The following CSMD1 variants were observed in gnomAD, a reference collection of about 807,000 sequenced individuals.
CSMD1 encodes the protein CUB and Sushi multiple domains 1.
CSMD1 carries 213 observed loss-of-function variants against 417.5 expected under a neutral mutation model. The observed-to-expected ratio is 0.51, with a 90% confidence interval of 0.46 to 0.57. The LOEUF is 0.57. Ranked by LOEUF, CSMD1 falls within the 20% of genes least tolerant of loss-of-function variation. CSMD1 has a pLI of 0.00. For missense variants in CSMD1, 6,923 were observed against 4,529.7 expected, an observed-to-expected ratio of 1.53 and a Z score of -15.17; for synonymous variants, 2,862 against 1,736.8, an observed-to-expected ratio of 1.65 and a Z score of -16.11.
chr8:3,174,646 G>T (rs1185974176), intron 37 of CSMD1, among the ~76,000 whole-genome samples: 1 of 152,106 alleles, frequency 6.6e-6, no homozygotes, highest in Admixed American at 6.6e-5. Context: ...TTTTCAAAAA[G>T]ATAATTACGT....
chr8:4,679,951 C>A (rs550881622), intron 1 of CSMD1, among the ~76,000 whole-genome samples: 32 of 152,124 alleles, frequency 2.1e-4, no homozygotes, highest in African/African-American at 7.5e-4. Flanking sequence ...ATTAACAGGG[C>A]AGATTTAGAA....
intron 48 of CSMD1, among the ~76,000 whole-genome samples, chr8:3,088,877 A>G (rs951451221): frequency 3.3e-5 from 5 of 151,780 alleles, no homozygotes; most frequent in African/African-American, 4.8e-5. Context: ...AATAAAAAAT[A>G]GAAGGAACAA....
intron 6 of CSMD1, among the ~76,000 whole-genome samples, chr8:3,734,888 A>G (rs1796448942): frequency 6.6e-6 from 1 of 152,142 alleles, no homozygotes; most frequent in Non-Finnish European, 1.5e-5. Flanking sequence ...GCTGTACTGA[A>G]GCAATTTTCC....
chr8:3,497,924 G>T (rs936328592), intron 10 of CSMD1, among the ~76,000 whole-genome samples: 4 of 152,146 alleles, frequency 2.6e-5, no homozygotes, highest in Non-Finnish European at 4.4e-5. Context: ...CACAATGGTG[G>T]TTATCACCCT....
At chr8:3,520,638 C>T (rs1253222391) in intron 10 of CSMD1, among the ~76,000 whole-genome samples, 1 of 152,140 alleles carries the variant, frequency 6.6e-6, no homozygotes, top group Non-Finnish European at 1.5e-5. Flanking sequence ...TCCTGGTTCA[C>T]CTGCATCTCC....
Position 4,614,836 on chromosome 8 carries a change from T to A in CSMD1, c.302+22506A>T, listed in dbSNP as rs116848328. ...AAAAGATAATCAGACATTATTTTTTTAAAAATGAATAATATGAAAACCTAA... is the reference window on the plus strand; with the variant it reads ...AAAAGATAATCAGACATTATTTTTTAAAAAATGAATAATATGAAAACCTAA... On this transcript the variant is annotated intron_variant, in intron 2 of 69. Coordinates refer to ENST00000635120, the MANE Select transcript of CSMD1 (RefSeq NM_033225.6). 5.1e-4 allele frequency among the ~76,000 whole-genome samples: 78 copies of A among 152,320 alleles called. 1 individual carries two copies. The East Asian group carries it at 0.013, about 25-fold the overall frequency.
At chr8:3,154,088 T>G (rs1362767877) in intron 39 of CSMD1, among the ~76,000 whole-genome samples, 2 of 152,162 alleles carry the variant, frequency 1.3e-5, no homozygotes, top group Non-Finnish European at 2.9e-5. Flanking sequence ...TGCCTCAGCC[T>G]CCCGAGTAGC....
rs1231999334 is a variant in CSMD1 at position 3,893,339 on chromosome 8, T to TTATATATGTATATATATATATATATATA, written c.818+104563_818+104564insTATATATATATATATATATACATATATA. Among the ~76,000 whole-genome samples the TTATATATGTATATATATATATATATATA allele has an allele frequency of 5.2e-3, 416 of 80,416 alleles. 26 individuals are homozygous for TTATATATGTATATATATATATATATATA. The East Asian group carries it at 0.062, about 12-fold the overall frequency. 52.8% of individuals were successfully genotyped at this position (80,416 alleles called of 152,430 possible). On this transcript the variant is annotated intron_variant, in intron 5 of 69. Coordinates refer to ENST00000635120, the MANE Select transcript of CSMD1 (RefSeq NM_033225.6). ...TCCCAAACTAATAATATTCACAATT[T>TTATATATGTATATATATATATATATATA]TATATATATATATATATATATATTA...
At chr8:4,728,406 G>A (rs920732543) in intron 1 of CSMD1, among the ~76,000 whole-genome samples, 1 of 152,108 alleles carries the variant, frequency 6.6e-6, no homozygotes, top group East Asian at 1.9e-4. Flanking sequence ...TTAGTTTGGA[G>A]ACTATAAATT....
chr8:4,720,973 C>T (rs367594949), intron 1 of CSMD1, among the ~76,000 whole-genome samples: 124 of 152,128 alleles, frequency 8.2e-4, no homozygotes, highest in African/African-American at 2.7e-3. Context: ...CCTACTTCAC[C>T]GGAAGACAAT....
At chr8:3,257,908 G>C (rs945271272) in intron 26 of CSMD1, among the ~76,000 whole-genome samples, 8 of 152,140 alleles carry the variant, frequency 5.3e-5, no homozygotes, top group Non-Finnish European at 7.4e-5. Context: ...ACAAGGGCGT[G>C]AAGCTTATAT....
chr8:3,557,926 G>C (rs1799227933), intron 10 of CSMD1, among the ~76,000 whole-genome samples: 1 of 152,140 alleles, frequency 6.6e-6, no homozygotes, highest in Non-Finnish European at 1.5e-5. Flanking sequence ...TAAATAAATA[G>C]TTTGTTGGTT....
At chr8:3,361,483 A>T (rs1809165128) in intron 20 of CSMD1, among the ~76,000 whole-genome samples, 1 of 151,542 alleles carries the variant, frequency 6.6e-6, no homozygotes, top group Admixed American at 6.6e-5. Flanking sequence ...AATAAAATAA[A>T]ATAAAAAATA....
chr8:3,663,773 T>C (rs972884659), intron 7 of CSMD1, among the ~76,000 whole-genome samples: 3 of 152,170 alleles, frequency 2.0e-5, no homozygotes, highest in South Asian at 2.1e-4. Flanking sequence ...ACCTCACATA[T>C]GCTGATTGAT....
chr8:4,392,457 A>G (rs145154840), intron 3 of CSMD1, among the ~76,000 whole-genome samples: 26 of 152,270 alleles, frequency 1.7e-4, no homozygotes, highest in Non-Finnish European at 3.5e-4. Flanking sequence ...TAAAAGAATT[A>G]TCAGTCCATT....
At chr8:3,220,961 A>G (rs1347594924) in intron 28 of CSMD1, among the ~76,000 whole-genome samples, 4 of 151,968 alleles carry the variant, frequency 2.6e-5, no homozygotes, top group African/African-American at 7.3e-5. Context: ...CAAAGCTCCT[A>G]CTCCCTTTCC....
chr8:3,790,359 G>A (rs1258535654), intron 5 of CSMD1, among the ~76,000 whole-genome samples: 1 of 152,014 alleles, frequency 6.6e-6, no homozygotes, highest in African/African-American at 2.4e-5. Context: ...TGATGGTGGT[G>A]ATAGTGACGG....
chr8:3,744,922 C>A (rs1220197050), intron 6 of CSMD1, among the ~76,000 whole-genome samples: 1 of 152,144 alleles, frequency 6.6e-6, no homozygotes, highest in Non-Finnish European at 1.5e-5. Flanking sequence ...GGGCCTGAAG[C>A]AGACTGAGGT....
chr8:4,170,260 C>T (rs11987484), intron 3 of CSMD1, among the ~76,000 whole-genome samples: 1 of 151,726 alleles, frequency 6.6e-6, no homozygotes, highest in Admixed American at 6.6e-5. Context: ...TTTTGAATTA[C>T]CCCCTTGCCT....
Sources: gnomAD v4.1 joint callset for allele counts (sites outside exome capture counted in the v4.1 genomes callset) on GRCh38, gnomAD v4.1.1 for gene constraint, MANE v1.5 for transcripts, NCBI Gene and HGNC (gene_info 2026-07-23, HGNC 2026-07-21) for gene names.